The following TBX15 variants were observed in gnomAD, a reference collection of about 807,000 sequenced individuals.
The protein encoded by TBX15 is T-box transcription factor TBX15.
A neutral mutation model predicts 53.9 loss-of-function variants in TBX15; 18 were observed. The observed-to-expected ratio is 0.33, with a 90% CI of 0.23 to 0.49. The LOEUF (loss-of-function observed/expected upper bound fraction) is 0.49, where lower values mean the gene tolerates loss of function less well. Among genes scored for constraint, TBX15 ranks in the 20% least tolerant of loss-of-function variants. TBX15 has a pLI of 0.98. For missense variants in TBX15, 692 were observed against 749.5 expected, an observed-to-expected ratio of 0.92 and a Z score of 0.90; for synonymous variants, 295 against 278.0, an observed-to-expected ratio of 1.06 and a Z score of -0.61.
intron 1 of TBX15, among the ~76,000 whole-genome samples, chr1:118,954,618 A>G (rs1229590774): frequency 6.6e-6 from 1 of 152,230 alleles, no homozygotes; most frequent in Non-Finnish European, 1.5e-5. Flanking sequence ...CTGATTAACC[A>G]TATGTGTGTG....
intron 4 of TBX15, among the ~76,000 whole-genome samples, 189 bp from the exon 5 acceptor site, chr1:118,923,792 C>A (rs540708187): frequency 7.2e-5 from 11 of 152,240 alleles, no homozygotes; most frequent in African/African-American, 2.6e-4. Flanking sequence ...TACATGGAAC[C>A]AAATAGCAGG....
At chr1:118,968,540 C>T (rs1489322718) in intron 1 of TBX15, among the ~76,000 whole-genome samples, 1 of 152,194 alleles carries the variant, frequency 6.6e-6, no homozygotes, top group East Asian at 1.9e-4. Context: ...GAAAAACAAA[C>T]TTAAATGCTT....
chr1:118,885,010 G>A lies in TBX15; in HGVS notation c.1531C>T (p.Leu511Phe). The change falls in exon 8 of 8, where the codon CTT becomes TTT. Residue 511 changes from leucine (L) to phenylalanine (F), a missense_variant. Leu to Phe is a conservative substitution (Grantham distance 22). Around this residue, in one of 3 missense-constraint regions of TBX15, gnomAD observed 375 missense variants for 371.6 expected, o/e 1.01. Transcript: ENST00000369429. ...CCATACAGGTTGTAAGGGTTGTGAA[G>A]GGAGAAGGCATTGTAGGAGCTCTGC... is the stretch of plus-strand genomic sequence containing the variant. ...MQQSSYNAFS[L>F]HNPYNLYGYN... The A allele has an allele frequency of 2.5e-6, 4 of 1,614,146 alleles. No individual in the cohort carries two copies. Among genetic ancestry groups the A allele is most frequent in the Non-Finnish European group, 2.5e-6 (3 of 1,180,030 alleles).
At chr1:118,923,389 G>T in intron 5 of TBX15, 47 bp downstream of exon 5, 1 of 1,610,866 alleles carries the variant, frequency 6.2e-7, no homozygotes, top group Non-Finnish European at 8.5e-7. Flanking sequence ...TATGCAGAAG[G>T]ACCAAAAAAC....
chr1:118,961,285 T>C (rs1282008621), intron 1 of TBX15, among the ~76,000 whole-genome samples: 1 of 152,218 alleles, frequency 6.6e-6, no homozygotes, highest in African/African-American at 2.4e-5. Flanking sequence ...TGTTTATTCA[T>C]CTTTATACCT....
chr1:118,893,397 GAA>G (rs1319996275), intron 7 of TBX15, among the ~76,000 whole-genome samples: 4 of 135,056 alleles, frequency 3.0e-5, no homozygotes, highest in African/African-American at 6.1e-5. Flanking sequence ...AAGAAAGAAA[GAA>G]AGAAAGAAAG....
In TBX15 at chr1:118,932,794, C is replaced by T. The variant is rs556973883; in HGVS notation, c.206-962G>A. Among the ~76,000 whole-genome samples, 6 of 152,196 alleles carry T rather than the reference C, an allele frequency of 3.9e-5. No individual in the cohort carries two copies. The South Asian group carries it at 8.3e-4, about 21-fold the overall frequency. The stretch of plus-strand genomic sequence containing the variant: ...AATTTTAAATATTTACCTTTAGGAG[C>T]TTAATGCCAAGAATTGTGTGTCCTA... On this transcript the variant is annotated intron_variant, in intron 1 of 7. Coordinates refer to ENST00000369429, the MANE Select transcript of TBX15 (RefSeq NM_001330677.2).
chr1:118,938,683 T>G (rs1656044938), intron 1 of TBX15, among the ~76,000 whole-genome samples: 1 of 152,236 alleles, frequency 6.6e-6, no homozygotes, highest in Non-Finnish European at 1.5e-5. Context: ...TTTCTAATAA[T>G]AGCCATTCTG....
At position 118,942,656 on chromosome 1, in the gene TBX15, C is replaced by T. The variant is rs190711523; in HGVS notation, c.206-10824G>A. ...CTGTGAGCTGTGTCAAACTGAGTGG[C>T]GAGGTCTGACCCGAAATCTTTCAGG... is the stretch of plus-strand genomic sequence containing the variant. On this transcript the variant is annotated intron_variant, in intron 1 of 7. Coordinates refer to ENST00000369429, the MANE Select transcript of TBX15 (RefSeq NM_001330677.2). Among the ~76,000 whole-genome samples, 33 of 152,262 alleles carry T rather than the reference C, an allele frequency of 2.2e-4. 1 individual carries two copies. Among genetic ancestry groups the T allele is most frequent in the East Asian group, 1.2e-3 (6 of 5,176 alleles).
intron 7 of TBX15, 77 bp from the exon 8 acceptor site, chr1:118,885,593 A>C: frequency 6.6e-7 from 1 of 1,526,234 alleles, no homozygotes; most frequent in Non-Finnish European, 8.9e-7. Flanking sequence ...CAAGCCATAC[A>C]GGAGGTGCCT....
intron 1 of TBX15, among the ~76,000 whole-genome samples, chr1:118,987,309 G>T (rs1657870974): frequency 6.6e-6 from 1 of 152,180 alleles, no homozygotes; most frequent in Admixed American, 6.5e-5. Context: ...TTCATCCACG[G>T]ACACCCAGAA....
chr1:118,961,301 C>A (rs1013906441), intron 1 of TBX15, among the ~76,000 whole-genome samples: 2 of 152,334 alleles, frequency 1.3e-5, no homozygotes, highest in East Asian at 3.9e-4. Context: ...TACCTCCCAG[C>A]ACCTAATACC....
chr1:118,923,703 G>A (rs2101592510), intron 4 of TBX15, 100 bp from the exon 5 acceptor site: 1 of 1,405,666 alleles, frequency 7.1e-7, no homozygotes, highest in Non-Finnish European at 1.0e-6. Context: ...TATAGGAAAA[G>A]CACAGATTGG....
At chr1:118,893,481 GGAAGGAAAGAAAGAAAGAAAGAAA>G (rs1233226986) in intron 7 of TBX15, among the ~76,000 whole-genome samples, 5 of 83,886 alleles carry the variant, frequency 6.0e-5, no homozygotes, top group African/African-American at 2.9e-4. Context: ...AAGGAAGGAA[GGAAGGAAAGAAAGAAAGAAAGAAA>G]GAAAGAAAGA....
intron 2 of TBX15, among the ~76,000 whole-genome samples, chr1:118,930,530 C>G (rs945036745): frequency 1.3e-5 from 2 of 152,188 alleles, no homozygotes; most frequent in African/African-American, 4.8e-5. Context: ...ATTCTCCTGC[C>G]TCAGCCTCCC....
chr1:118,980,380 T>C (rs543881099), intron 1 of TBX15, among the ~76,000 whole-genome samples: 52 of 152,330 alleles, frequency 3.4e-4, no homozygotes, highest in Middle Eastern at 3.4e-3. Flanking sequence ...ACCTCTCTAA[T>C]GTTCCCTTTC....
At chr1:118,979,050 C>T (rs1657546884) in intron 1 of TBX15, among the ~76,000 whole-genome samples, 1 of 152,152 alleles carries the variant, frequency 6.6e-6, no homozygotes, top group Non-Finnish European at 1.5e-5. Context: ...GCCCTGTATC[C>T]TGGAGAGATT....
intron 1 of TBX15, among the ~76,000 whole-genome samples, chr1:118,967,516 G>A (rs977187795): frequency 9.9e-5 from 15 of 152,084 alleles, no homozygotes; most frequent in Admixed American, 1.3e-4. Flanking sequence ...GCTATATTCC[G>A]TACAAACAGC....
rs375164948 is a variant in TBX15 at position 118,884,933 on chromosome 1, G to A, written c.1608C>T (p.Ser536=). 2.5e-6 allele frequency: 4 copies of A among 1,614,156 alleles called. No individual in the cohort carries two copies. Among genetic ancestry groups the A allele is most frequent in the East Asian group, 2.2e-5 (1 of 44,860 alleles). The change falls in exon 8 of 8, where the codon AGC becomes AGT. Residue 536 remains serine, a synonymous_variant. Coordinates refer to ENST00000369429, the MANE Select transcript of TBX15 (RefSeq NM_001330677.2). Reference sequence around the variant, plus strand: ...AACAGAGTAAAGTGCTTTGAGAGGCGCTCAGTTTTTCCGGGCTTGCAGCTA... The same window carrying A: ...AACAGAGTAAAGTGCTTTGAGAGGCACTCAGTTTTTCCGGGCTTGCAGCTA... ...PRLAASPEKL[S]ASQSTLLCSS...
Sources: allele counts gnomAD v4.1 joint callset (sites outside exome capture counted in the v4.1 genomes callset), GRCh38; gene constraint gnomAD v4.1.1; regional missense constraint gnomAD v4.1.1; transcripts MANE v1.5; gene names NCBI Gene and HGNC (gene_info 2026-07-23, HGNC 2026-07-21).